Variants in RGS7 observed in about 807,000 individuals in gnomAD.
The protein encoded by RGS7 is regulator of G-protein signaling 7.
Under a neutral mutation model 81.1 loss-of-function variants are expected in RGS7, and 27 were observed. The ratio of observed to expected loss-of-function variants is 0.33; its 90% CI spans 0.25 to 0.46. RGS7 has a LOEUF of 0.46. Ranked by LOEUF, RGS7 falls within the 20% of genes least tolerant of loss-of-function variation. The probability of loss-of-function intolerance (pLI) is 1.00; values close to 1 mark genes in which losing one functional copy is unlikely to be tolerated. For synonymous variants in RGS7, 208 were observed against 207.7 expected (o/e 1.00, Z -0.01); for missense variants, 396 against 607.4 (o/e 0.65, Z 3.66).
intron 10 of RGS7, among the ~76,000 whole-genome samples, chr1:240,824,284 T>A (rs1406176855): frequency 1.3e-5 from 2 of 152,216 alleles, no homozygotes; most frequent in African/African-American, 4.8e-5. Flanking sequence ...GGCACGTAAT[T>A]ACAGGAAAAA....
At chr1:240,927,169 C>T (rs571094888) in intron 6 of RGS7, among the ~76,000 whole-genome samples, 1 of 152,104 alleles carries the variant, frequency 6.6e-6, no homozygotes, top group Non-Finnish European at 1.5e-5. Flanking sequence ...CAGGTTCAAG[C>T]GATTCTCCTG....
chr1:240,869,488 T>G (rs796847178), intron 7 of RGS7, among the ~76,000 whole-genome samples: 7 of 152,354 alleles, frequency 4.6e-5, no homozygotes, highest in African/African-American at 1.7e-4. Flanking sequence ...TTTCGACAGT[T>G]AAGTCGATTT....
chr1:241,339,827 G>A (rs2082437399), intron 2 of RGS7, among the ~76,000 whole-genome samples: 1 of 152,152 alleles, frequency 6.6e-6, no homozygotes, highest in Non-Finnish European at 1.5e-5. Flanking sequence ...TAGCAGTGTA[G>A]GAGCCTGGGA....
chr1:240,800,745 G>T (rs967255776), intron 17 of RGS7, 24 bp from the exon 18 acceptor site: 3 of 1,433,784 alleles, frequency 2.1e-6, no homozygotes, highest in East Asian at 5.0e-5. Flanking sequence ...TGTGTTGAAG[G>T]CTTTAGTTTG....
intron 2 of RGS7, among the ~76,000 whole-genome samples, chr1:241,217,020 C>T (rs1377893459): frequency 6.6e-6 from 1 of 152,144 alleles, no homozygotes; most frequent in Non-Finnish European, 1.5e-5. Context: ...GTAGAATGAA[C>T]ATTTGTGTCC....
At chr1:241,064,183 CAAAAAAAA>C (rs140883852) in intron 3 of RGS7, among the ~76,000 whole-genome samples, 193 of 78,188 alleles carry the variant, frequency 2.5e-3, no homozygotes, top group African/African-American at 8.4e-3. Flanking sequence ...AACTCAGTTT[CAAAAAAAA>C]AAAAAAAAAA....
chr1:241,292,773 G>C (rs2079160415), intron 2 of RGS7, among the ~76,000 whole-genome samples: 1 of 152,172 alleles, frequency 6.6e-6, no homozygotes, highest in Non-Finnish European at 1.5e-5. Flanking sequence ...GAAATAAAGA[G>C]AAGGGAGAAA....
intron 2 of RGS7, among the ~76,000 whole-genome samples, chr1:241,135,745 G>A (rs1281191642): frequency 3.3e-5 from 5 of 152,028 alleles, no homozygotes; most frequent in Admixed American, 2.6e-4. Flanking sequence ...GGCCGGCCTC[G>A]TGTCTATTAA....
intron 2 of RGS7, among the ~76,000 whole-genome samples, chr1:241,215,049 A>G (rs1317640651): frequency 6.6e-6 from 1 of 152,138 alleles, no homozygotes; most frequent in African/African-American, 2.4e-5. Flanking sequence ...GACTATGTCT[A>G]ATAATTTTTA....
chr1:241,304,981 T>C (rs2080000357), intron 2 of RGS7, among the ~76,000 whole-genome samples: 1 of 152,236 alleles, frequency 6.6e-6, no homozygotes, highest in African/African-American at 2.4e-5. Flanking sequence ...AGCTGTTGTA[T>C]TATTTAACAA....
Position 240,944,310 on chromosome 1 carries a change from A to G in RGS7, c.227-7604T>C, listed in dbSNP as rs1319268525. On this transcript the variant is annotated intron_variant, in intron 4 of 18. Transcript: ENST00000440928. ...TATATATATATATATATATATATATATATATATATATATATATATATATGT... is the reference window on the plus strand; with the variant it reads ...TATATATATATATATATATATATATGTATATATATATATATATATATATGT... 2.0e-3 allele frequency among the ~76,000 whole-genome samples: 266 copies of G among 131,288 alleles called. 14 individuals carry two copies. The highest frequency in any genetic ancestry group is 6.6e-3 in the African/African-American group (226 of 34,440). The allele number at this position is 131,288 out of a possible 152,430, so 86.1% of individuals were successfully genotyped here. A position where few individuals can be genotyped will look rare whatever the true frequency, so the allele number is the denominator to read the frequency against.
At chr1:240,953,561 TG>T (rs745959972) in intron 4 of RGS7, among the ~76,000 whole-genome samples, 65 of 152,072 alleles carry the variant, frequency 4.3e-4, no homozygotes, top group Non-Finnish European at 9.0e-4. Flanking sequence ...TAAATGCAGT[TG>T]ATCAAAACAG....
chr1:241,179,351 G>A (rs1477424333), intron 2 of RGS7, among the ~76,000 whole-genome samples: 1 of 152,106 alleles, frequency 6.6e-6, no homozygotes, highest in African/African-American at 2.4e-5. Flanking sequence ...CTTCCGCCTC[G>A]GCCCCCAAAG....
chr1:241,306,896 CATGTT>C (rs2080205724), intron 2 of RGS7, among the ~76,000 whole-genome samples: 1 of 152,176 alleles, frequency 6.6e-6, no homozygotes, highest in South Asian at 2.1e-4. Context: ...ACTGGCAAAA[CATGTT>C]ATGTGAATGG....
At chr1:241,039,084 C>T (rs2060476814) in intron 3 of RGS7, among the ~76,000 whole-genome samples, 1 of 152,116 alleles carries the variant, frequency 6.6e-6, no homozygotes, top group Non-Finnish European at 1.5e-5. Flanking sequence ...CAGAGAAGGA[C>T]AGACAAAAGA....
chr1:241,087,952 C>A (rs919995057), intron 3 of RGS7, among the ~76,000 whole-genome samples: 781 of 77,566 alleles, frequency 0.01, 10 homozygotes, highest in African/African-American at 0.034. Flanking sequence ...CCATCTCTCT[C>A]TCTCTCTCTC....
At chr1:240,816,602 G>C (rs115437362) in intron 10 of RGS7, among the ~76,000 whole-genome samples, 187 bp from the exon 11 acceptor site, 1 of 152,024 alleles carries the variant, frequency 6.6e-6, no homozygotes, top group Admixed American at 6.6e-5. Flanking sequence ...AGCACAGCTC[G>C]GAAAAAATGT....
intron 2 of RGS7, among the ~76,000 whole-genome samples, chr1:241,231,160 A>G (rs548732799): frequency 6.6e-6 from 1 of 152,292 alleles, no homozygotes; most frequent in East Asian, 1.9e-4. Context: ...TTCATACAAT[A>G]TACTGTGAAA....
intron 2 of RGS7, among the ~76,000 whole-genome samples, chr1:241,272,200 A>G (rs1248362470): frequency 2.6e-5 from 4 of 151,820 alleles, no homozygotes; most frequent in African/African-American, 9.7e-5. Context: ...TCACCGTGTT[A>G]GCCAGGGTGG....
Sources: gnomAD v4.1 joint callset for allele counts (sites outside exome capture counted in the v4.1 genomes callset) on GRCh38, gnomAD v4.1.1 for gene constraint, MANE v1.5 for transcripts, NCBI Gene and HGNC (gene_info 2026-07-23, HGNC 2026-07-21) for gene names.